Variants in ADAMTSL1 observed in about 807,000 individuals in gnomAD.
The protein encoded by ADAMTSL1 is ADAMTS like 1.
A neutral mutation model predicts 201.8 loss-of-function variants in ADAMTSL1; 126 were observed. The ratio of observed to expected loss-of-function variants is 0.62; its 90% CI spans 0.54 to 0.72. The LOEUF is 0.72. Among genes scored for constraint, ADAMTSL1 ranks in the 30% least tolerant of loss-of-function variants. ADAMTSL1 has a pLI of 0.00. For synonymous variants in ADAMTSL1, 1,121 were observed against 903.4 expected (o/e 1.24, Z -4.32); for missense variants, 2,679 against 2,277.8 (o/e 1.18, Z -3.59).
At chr9:18,339,287 G>A (rs1835371240) in intron 2 of ADAMTSL1, among the ~76,000 whole-genome samples, 1 of 152,066 alleles carries the variant, frequency 6.6e-6, no homozygotes, top group African/African-American at 2.4e-5. Context: ...TTAAAAAGTA[G>A]GCAAAGGACA....
At chr9:18,338,176 A>G (rs1835325867) in intron 2 of ADAMTSL1, among the ~76,000 whole-genome samples, 1 of 151,988 alleles carries the variant, frequency 6.6e-6, no homozygotes, top group Non-Finnish European at 1.5e-5. Context: ...TCCATAGTGA[A>G]CTGTTTTTTA....
At chr9:17,950,077 G>A (rs1230831843) in intron 1 of ADAMTSL1, among the ~76,000 whole-genome samples, 1 of 151,936 alleles carries the variant, frequency 6.6e-6, no homozygotes, top group Non-Finnish European at 1.5e-5. Context: ...CACCGCCACT[G>A]CCAGCTTATT....
intron 1 of ADAMTSL1, among the ~76,000 whole-genome samples, chr9:17,935,445 C>A (rs936416866): frequency 6.6e-6 from 1 of 152,170 alleles, no homozygotes; most frequent in East Asian, 1.9e-4. Context: ...TGCCTAGACT[C>A]TAACCTCATG....
intron 20 of ADAMTSL1, among the ~76,000 whole-genome samples, chr9:18,812,321 G>A (rs1394681959): frequency 2.0e-5 from 3 of 152,152 alleles, no homozygotes; most frequent in Non-Finnish European, 4.4e-5. Context: ...GCAATTCAAT[G>A]TAGGAAATAT....
intron 2 of ADAMTSL1, among the ~76,000 whole-genome samples, chr9:18,436,709 A>G (rs1819749080): frequency 6.6e-6 from 1 of 152,066 alleles, no homozygotes; most frequent in African/African-American, 2.4e-5. Context: ...GATGCTGCTG[A>G]TTCCCCCCTC....
intron 26 of ADAMTSL1, among the ~76,000 whole-genome samples, chr9:18,894,890 A>G (rs375825727): frequency 9.9e-5 from 15 of 152,190 alleles, no homozygotes; most frequent in East Asian, 9.6e-4. Context: ...AACTGGGGGA[A>G]AAAGAGGAAA....
At chr9:18,626,963 TTTTC>T (rs796318810) in intron 5 of ADAMTSL1, among the ~76,000 whole-genome samples, 226 of 150,180 alleles carry the variant, frequency 1.5e-3, no homozygotes, top group African/African-American at 5.4e-3. Context: ...TTTCTTTTCT[TTTTC>T]TTTCTTTCTT....
At chr9:18,031,152 T>C (rs539560541) in intron 1 of ADAMTSL1, among the ~76,000 whole-genome samples, 1 of 152,340 alleles carries the variant, frequency 6.6e-6, no homozygotes, top group Non-Finnish European at 1.5e-5. Flanking sequence ...ATTCTATGTC[T>C]ATGCTTCAGA....
At chr9:18,574,463 A>T (rs1164508684) in intron 4 of ADAMTSL1, 197 bp downstream of exon 4, 6 of 632,034 alleles carry the variant, frequency 9.5e-6, no homozygotes, top group Non-Finnish European at 1.4e-5. Flanking sequence ...AAAGTAGACT[A>T]GAGTTATTTT....
chr9:18,024,448 A>G lies in ADAMTSL1; in HGVS notation c.87+117526A>G, dbSNP rs369406187. The stretch of plus-strand genomic sequence containing the variant: ...CTTCCTCTAGTACTCCCTAGTGTCT[A>G]TTGTTCCCATCTTTATGTCCCTGTG... On this transcript the variant is annotated intron_variant, in intron 1 of 29. Transcript: ENST00000680146. 7.2e-5 allele frequency among the ~76,000 whole-genome samples: 11 copies of G among 151,982 alleles called. 1 individual carries two copies. Among genetic ancestry groups the G allele is most frequent in the African/African-American group, 2.4e-4 (10 of 41,492 alleles).
At chr9:17,973,312 T>G (rs1299157779) in intron 1 of ADAMTSL1, among the ~76,000 whole-genome samples, 2 of 131,272 alleles carry the variant, frequency 1.5e-5, no homozygotes, top group Non-Finnish European at 3.4e-5. Context: ...AACATGTAAG[T>G]CTTTAATCCA....
At chr9:18,472,714 C>A (rs1821265428), upstream of ADAMTSL1, among the ~76,000 whole-genome samples, 1 of 152,104 alleles carries the variant, frequency 6.6e-6, no homozygotes, top group Non-Finnish European at 1.5e-5. Context: ...TACCTCTTGT[C>A]AGTATTTTTT....
intron 17 of ADAMTSL1, among the ~76,000 whole-genome samples, chr9:18,772,414 T>C (rs1054212592): frequency 2.0e-5 from 3 of 152,170 alleles, no homozygotes; most frequent in Non-Finnish European, 1.5e-5. Flanking sequence ...CTTTGAGATT[T>C]TGGGACTAAG....
chr9:18,054,813 G>T (rs745466691), intron 1 of ADAMTSL1, among the ~76,000 whole-genome samples: 2 of 152,172 alleles, frequency 1.3e-5, no homozygotes, highest in African/African-American at 2.4e-5. Context: ...GACAGGATGT[G>T]GATAAATTTA....
At chr9:18,189,056 T>C (rs1234096244) in intron 2 of ADAMTSL1, among the ~76,000 whole-genome samples, 1 of 152,170 alleles carries the variant, frequency 6.6e-6, no homozygotes, top group East Asian at 1.9e-4. Context: ...AGAATGGTAA[T>C]AGGCTTGAGT....
chr9:18,633,517 G>C (rs964512370), intron 5 of ADAMTSL1, among the ~76,000 whole-genome samples: 1 of 151,930 alleles, frequency 6.6e-6, no homozygotes, highest in African/African-American at 2.4e-5. Flanking sequence ...TGAACCCAGG[G>C]GGCGGAGGTT....
chr9:18,309,977 A>G (rs568314766), intron 2 of ADAMTSL1, among the ~76,000 whole-genome samples: 17 of 152,268 alleles, frequency 1.1e-4, no homozygotes, highest in African/African-American at 4.1e-4. Context: ...TATTACCGGT[A>G]CCAAAACAGA....
chr9:18,178,383 T>C (rs569599719), intron 2 of ADAMTSL1, among the ~76,000 whole-genome samples: 35 of 151,264 alleles, frequency 2.3e-4, no homozygotes, highest in South Asian at 1.5e-3. Flanking sequence ...CCTACACCCA[T>C]GGAGTCTCGC....
At chr9:18,027,944 G>T (rs757437636) in intron 1 of ADAMTSL1, among the ~76,000 whole-genome samples, 1 of 152,038 alleles carries the variant, frequency 6.6e-6, no homozygotes, top group Non-Finnish European at 1.5e-5. Flanking sequence ...TTGTTGAATT[G>T]AACCATTTAT....
Sources: gnomAD v4.1 joint callset for allele counts (sites outside exome capture counted in the v4.1 genomes callset) on GRCh38, gnomAD v4.1.1 for gene constraint, MANE v1.5 for transcripts, NCBI Gene and HGNC (gene_info 2026-07-23, HGNC 2026-07-21) for gene names.